ACYP2: variants seen among roughly 807,000 people sequenced by gnomAD.
The protein encoded by ACYP2 is acylphosphatase 2, also known as acylphosphatase-2.
ACYP2 carries 12 observed loss-of-function variants against 11.2 expected under a neutral mutation model. The ratio of observed to expected loss-of-function variants is 1.08; its 90% CI spans 0.69 to 1.74. ACYP2 has a LOEUF of 1.74. Among genes scored for constraint, ACYP2 ranks in the 40% most tolerant of loss-of-function variants. The probability of loss-of-function intolerance (pLI) is 0.00; values close to 1 mark genes in which losing one functional copy is unlikely to be tolerated. For synonymous variants in ACYP2, 43 were observed against 32.2 expected (o/e 1.33, Z -1.13); for missense variants, 134 against 101.9 (o/e 1.31, Z -1.35).
chr2:54,091,408 T>C (rs1158350716), intron 4 of ACYP2, among the ~76,000 whole-genome samples: 8 of 152,264 alleles, frequency 5.3e-5, no homozygotes, highest in Non-Finnish European at 8.8e-5. Flanking sequence ...AAAAGGGCTA[T>C]TTTTTTCTTT....
At chr2:54,158,506 C>T (rs118037934) in intron 6 of ACYP2, among the ~76,000 whole-genome samples, 61 of 152,108 alleles carry the variant, frequency 4.0e-4, no homozygotes, top group African/African-American at 1.2e-3. Flanking sequence ...GCACCCAGCA[C>T]GGTCTGCTTT....
intron 2 of ACYP2, among the ~76,000 whole-genome samples, chr2:54,039,142 A>G (rs1013860798): frequency 6.6e-6 from 1 of 151,406 alleles, no homozygotes; most frequent in East Asian, 1.9e-4. Context: ...TTGGGAGAGA[A>G]TGGGCAGTGA....
At chr2:53,980,315 T>C (rs1161352895) in intron 2 of ACYP2, among the ~76,000 whole-genome samples, 3 of 151,952 alleles carry the variant, frequency 2.0e-5, no homozygotes, top group Non-Finnish European at 4.4e-5. Context: ...ATCTCACCAC[T>C]GTGTTCCAGC....
intron 2 of ACYP2, among the ~76,000 whole-genome samples, chr2:54,017,633 C>G (rs186144978): frequency 1.3e-5 from 2 of 152,136 alleles, no homozygotes; most frequent in African/African-American, 4.8e-5. Flanking sequence ...ATTTCTGATA[C>G]TATTGCATTC....
intron 6 of ACYP2, among the ~76,000 whole-genome samples, chr2:54,251,517 C>T (rs1231491809): frequency 2.0e-5 from 3 of 152,172 alleles, no homozygotes; most frequent in African/African-American, 4.8e-5. Context: ...CAGATCAAGA[C>T]ACAAAACATC....
chr2:54,171,990 G>A lies in ACYP2; in HGVS notation c.404+33242G>A, dbSNP rs536300695. Among the ~76,000 whole-genome samples, 3 of 152,170 alleles carry A rather than the reference G, an allele frequency of 2.0e-5. No homozygotes were observed. The East Asian group carries it at 5.8e-4, about 29-fold the overall frequency. On this transcript the variant is annotated intron_variant, in intron 6 of 6. Transcript: ENST00000607452. ...CCACTTTAGGAGGTTGAGGGAGGAG[G>A]ATCTCTTGAGCCTAGCAGTGCAAGA...
chr2:54,283,804 T>C (rs1688950984), intron 6 of ACYP2, among the ~76,000 whole-genome samples: 1 of 152,242 alleles, frequency 6.6e-6, no homozygotes, highest in Non-Finnish European at 1.5e-5. Context: ...ATGTAGACAC[T>C]GATCTATTAA....
At chr2:54,218,138 C>G (rs926522122) in intron 6 of ACYP2, among the ~76,000 whole-genome samples, 2 of 152,164 alleles carry the variant, frequency 1.3e-5, no homozygotes, top group African/African-American at 4.8e-5. Context: ...AAAACTTGTT[C>G]TTGATCTCCT....
intron 6 of ACYP2, 125 bp downstream of exon 3, chr2:54,138,873 A>T: frequency 1.4e-6 from 1 of 716,130 alleles, no homozygotes; most frequent in Non-Finnish European, 2.3e-6. Context: ...GCTCACTACA[A>T]CCTCTGCCTT....
At chr2:54,008,268 T>C (rs1218196767) in intron 2 of ACYP2, among the ~76,000 whole-genome samples, 1 of 152,198 alleles carries the variant, frequency 6.6e-6, no homozygotes, top group African/African-American at 2.4e-5. Context: ...TAAATTTATA[T>C]AGCTCCTCTA....
intron 6 of ACYP2, among the ~76,000 whole-genome samples, chr2:54,263,164 C>T (rs1259737147): frequency 6.6e-6 from 1 of 152,158 alleles, no homozygotes; most frequent in African/African-American, 2.4e-5. Flanking sequence ...GGCATCTGCT[C>T]ATCTTCTGGG....
intron 4 of ACYP2, chr2:54,123,217 G>A (rs141734658): frequency 1.1e-4 from 42 of 396,418 alleles, no homozygotes; most frequent in East Asian, 6.1e-4. Flanking sequence ...AGGAATTTCC[G>A]CTAGAGAGAA....
chr2:54,124,517 G>A (rs1378860697), intron 4 of ACYP2, among the ~76,000 whole-genome samples: 1 of 151,936 alleles, frequency 6.6e-6, no homozygotes, highest in Non-Finnish European at 1.5e-5. Context: ...TTTTCTATAT[G>A]ATTTATTTCA....
intron 4 of ACYP2, among the ~76,000 whole-genome samples, chr2:54,104,940 G>A (rs1679077760): frequency 6.6e-6 from 1 of 152,218 alleles, no homozygotes; most frequent in African/African-American, 2.4e-5. Context: ...GTGTAACACT[G>A]TGTTACAAGC....
intron 6 of ACYP2, among the ~76,000 whole-genome samples, chr2:54,231,957 T>G (rs1686255734): frequency 6.6e-6 from 1 of 152,228 alleles, no homozygotes. Flanking sequence ...CTTTCTACCA[T>G]GACTTTGACC....
intron 2 of ACYP2, among the ~76,000 whole-genome samples, chr2:54,040,433 G>C (rs1558488721): frequency 6.6e-6 from 1 of 152,072 alleles, no homozygotes. Flanking sequence ...ACCGGACACT[G>C]TTAGCACATC....
chr2:54,041,053 CCTTTT>C (rs1322463402), intron 2 of ACYP2, among the ~76,000 whole-genome samples: 1 of 151,752 alleles, frequency 6.6e-6, no homozygotes, highest in Non-Finnish European at 1.5e-5. Flanking sequence ...AAAGCGGTGG[CCTTTT>C]CTTTTCTTTT....
chr2:54,274,161 C>T (rs1408304800), intron 6 of ACYP2, among the ~76,000 whole-genome samples: 1 of 152,160 alleles, frequency 6.6e-6, no homozygotes, highest in South Asian at 2.1e-4. Context: ...CAAGGAGGAG[C>T]AGTCACATCT....
At chr2:54,010,273 C>G (rs996113997) in intron 2 of ACYP2, among the ~76,000 whole-genome samples, 30 of 152,146 alleles carry the variant, frequency 2.0e-4, no homozygotes, top group Non-Finnish European at 7.4e-5. Context: ...CACCTGAAGT[C>G]AGGAGGTCAA....
Sources: allele counts gnomAD v4.1 joint callset (sites outside exome capture counted in the v4.1 genomes callset), GRCh38; gene constraint gnomAD v4.1.1; transcripts MANE v1.5; gene names NCBI Gene and HGNC (gene_info 2026-07-23, HGNC 2026-07-21).